The following CCSER2 variants were observed in gnomAD, a reference collection of about 807,000 sequenced individuals.
CCSER2 encodes the protein serine-rich coiled-coil domain-containing protein 2.
In CCSER2, 46 loss-of-function variants were observed where a neutral mutation model predicts 92.3. The observed-to-expected ratio is 0.50, with a 90% CI of 0.39 to 0.64. The LOEUF (loss-of-function observed/expected upper bound fraction) is 0.64. CCSER2 is among the 30% of genes least tolerant of loss of function. CCSER2 has a pLI of 0.00. For missense variants in CCSER2, 1,244 were observed against 1,238.9 expected, an observed-to-expected ratio of 1.00 and a Z score of -0.06; for synonymous variants, 433 against 431.4, an observed-to-expected ratio of 1.00 and a Z score of -0.04.
intron 3 of CCSER2, 79 bp from the exon 4 acceptor site, chr10:84,417,692 T>C (rs1842951409): frequency 1.4e-6 from 1 of 737,626 alleles, no homozygotes; most frequent in Non-Finnish European, 2.5e-6. Context: ...GGATATCATA[T>C]AGTTCGATTT....
intron 1 of CCSER2, among the ~76,000 whole-genome samples, chr10:84,367,848 C>G (rs941149658): frequency 2.0e-5 from 3 of 151,326 alleles, no homozygotes; most frequent in African/African-American, 7.3e-5. Context: ...TTAGGTTGTT[C>G]TGTGTTACAA....
chr10:84,385,004 A>ACACACACACACAC (rs1554838159), intron 3 of CCSER2, among the ~76,000 whole-genome samples: 6 of 145,884 alleles, frequency 4.1e-5, no homozygotes, highest in East Asian at 2.0e-4. Context: ...ATTTACAATA[A>ACACACACACACAC]ACACACACAC....
At chr10:84,475,628 T>G (rs1183433729) in intron 8 of CCSER2, among the ~76,000 whole-genome samples, 1 of 152,176 alleles carries the variant, frequency 6.6e-6, no homozygotes, top group African/African-American at 2.4e-5. Context: ...AGTAATATTA[T>G]GAGTTTATCC....
intron 9 of CCSER2, among the ~76,000 whole-genome samples, chr10:84,509,356 A>T (rs1849230963): frequency 6.6e-6 from 1 of 152,214 alleles, no homozygotes; most frequent in Non-Finnish European, 1.5e-5. Flanking sequence ...TTTGTGCCAA[A>T]TAATAGAAAT....
rs1554868293 is a variant in CCSER2 at position 84,501,834 on chromosome 10, A to AATATATATAT, written c.2326-11599_2326-11590dup. On this transcript the variant is annotated intron_variant, in intron 9 of 9. Transcript: ENST00000372088. ...TTAGTCATCTAGGGAAAAAAAAAAA[A>AATATATATAT]ATATATATATATATATATATATATA... Among the ~76,000 whole-genome samples the AATATATATAT allele has an allele frequency of 2.3e-3, 93 of 39,942 alleles. 3 individuals carry two copies. The highest frequency in any genetic ancestry group is 4.8e-3 in the Non-Finnish European group (58 of 12,142). The allele number at this position is 39,942 out of a possible 152,430, so 26.2% of individuals were successfully genotyped here.
intron 3 of CCSER2, among the ~76,000 whole-genome samples, chr10:84,386,247 T>G (rs1841197469): frequency 6.6e-6 from 1 of 152,218 alleles, no homozygotes; most frequent in Non-Finnish European, 1.5e-5. Context: ...GACATCTACC[T>G]AGAGGAAAAG....
chr10:84,423,713 G>A (rs1181960786), intron 4 of CCSER2, among the ~76,000 whole-genome samples: 3 of 152,040 alleles, frequency 2.0e-5, no homozygotes, highest in Non-Finnish European at 4.4e-5. Context: ...TTATCCCTTC[G>A]TTATATAGAG....
chr10:84,358,217 G>A (rs1030971744), intron 1 of CCSER2, among the ~76,000 whole-genome samples: 1 of 152,258 alleles, frequency 6.6e-6, no homozygotes, highest in Non-Finnish European at 1.5e-5. Flanking sequence ...GTTTAACCTG[G>A]TTATCTTTTC....
At chr10:84,415,686 A>C (rs140809639) in intron 3 of CCSER2, among the ~76,000 whole-genome samples, 1 of 152,346 alleles carries the variant, frequency 6.6e-6, no homozygotes, top group East Asian at 1.9e-4. Flanking sequence ...TTGTTAGCAC[A>C]GCTGTGCTGC....
At chr10:84,410,672 T>C (rs1056599838) in intron 3 of CCSER2, among the ~76,000 whole-genome samples, 1 of 152,246 alleles carries the variant, frequency 6.6e-6, no homozygotes, top group Non-Finnish European at 1.5e-5. Flanking sequence ...TAGACCTTTG[T>C]CAGACGGATA....
chr10:84,354,706 T>A (rs1564591953), intron 1 of CCSER2, among the ~76,000 whole-genome samples: 1 of 151,830 alleles, frequency 6.6e-6, no homozygotes, highest in Non-Finnish European at 1.5e-5. Flanking sequence ...ATCATCATCT[T>A]CCTTTCAGAT....
chr10:84,451,809 A>G (rs2133589049), intron 6 of CCSER2, among the ~76,000 whole-genome samples: 1 of 152,304 alleles, frequency 6.6e-6, no homozygotes, highest in African/African-American at 2.4e-5. Flanking sequence ...TTTATTTCAA[A>G]GTGTCTTTGC....
intron 1 of CCSER2, among the ~76,000 whole-genome samples, chr10:84,334,143 C>T (rs1387981131): frequency 6.6e-6 from 1 of 152,142 alleles, no homozygotes; most frequent in Non-Finnish European, 1.5e-5. Flanking sequence ...CAGACATGAG[C>T]ATGTAGAATG....
At chr10:84,477,817 T>A (rs1413806463) in intron 9 of CCSER2, among the ~76,000 whole-genome samples, 153 bp downstream of exon 9, 1 of 151,986 alleles carries the variant, frequency 6.6e-6, no homozygotes, top group Non-Finnish European at 1.5e-5. Context: ...CTTAGGTGTT[T>A]ATGTGTTTTC....
chr10:84,473,585 C>G (rs1846947906), intron 8 of CCSER2, among the ~76,000 whole-genome samples: 2 of 152,094 alleles, frequency 1.3e-5, no homozygotes, highest in Non-Finnish European at 2.9e-5. Flanking sequence ...AGTTATAGAA[C>G]TCGAGAAAGT....
chr10:84,338,230 G>A (rs1365102838), intron 1 of CCSER2, among the ~76,000 whole-genome samples: 1 of 151,040 alleles, frequency 6.6e-6, no homozygotes, highest in Non-Finnish European at 1.5e-5. Flanking sequence ...GTTGCAGTGA[G>A]CCGAGATCAC....
Position 84,350,428 on chromosome 10 carries a change from T to G in CCSER2, c.-39-20586T>G, listed in dbSNP as rs573202979. On this transcript the variant is annotated intron_variant, in intron 1 of 9. Coordinates refer to ENST00000372088, the MANE Select transcript of CCSER2 (RefSeq NM_001284240.2). ...CCTACACTAGGTTGTAAGTGCAAAA[T>G]GCATAGGGACCAGGTCTGTTCTGTG... is the stretch of plus-strand genomic sequence containing the variant. Among the ~76,000 whole-genome samples, 8 of 152,320 alleles carry G rather than the reference T, an allele frequency of 5.3e-5. No homozygotes were observed. In the South Asian group the frequency reaches 1.7e-3, roughly 32 times the overall value.
At chr10:84,488,385 T>C (rs956436029) in intron 9 of CCSER2, among the ~76,000 whole-genome samples, 1 of 152,194 alleles carries the variant, frequency 6.6e-6, no homozygotes, top group Non-Finnish European at 1.5e-5. Context: ...TTTTTTTGTT[T>C]GGTAGGCTCT....
chr10:84,451,389 T>C (rs1474040390), intron 6 of CCSER2, among the ~76,000 whole-genome samples: 1 of 152,024 alleles, frequency 6.6e-6, no homozygotes, highest in African/African-American at 2.4e-5. Flanking sequence ...CGAATGATCC[T>C]CCTGCTTTGG....
Sources: gnomAD v4.1 joint callset for allele counts (sites outside exome capture counted in the v4.1 genomes callset) on GRCh38, gnomAD v4.1.1 for gene constraint, MANE v1.5 for transcripts, NCBI Gene and HGNC (gene_info 2026-07-23, HGNC 2026-07-21) for gene names.